Variants in SMOC1 observed in about 807,000 individuals in gnomAD.
SMOC1 encodes the protein SPARC-related modular calcium-binding protein 1.
A neutral mutation model predicts 56.3 loss-of-function variants in SMOC1; 22 were observed. The ratio of observed to expected loss-of-function variants is 0.39; its 90% CI spans 0.28 to 0.56. SMOC1 has a LOEUF of 0.56. Among genes scored for constraint, SMOC1 ranks in the 20% least tolerant of loss-of-function variants. The pLI is 0.61. For missense variants in SMOC1, 509 were observed against 565.4 expected, an observed-to-expected ratio of 0.90 and a Z score of 1.01; for synonymous variants, 193 against 215.0, an observed-to-expected ratio of 0.90 and a Z score of 0.89.
intron 7 of SMOC1, among the ~76,000 whole-genome samples, chr14:69,999,427 G>A (rs528008462): frequency 2.0e-5 from 3 of 152,310 alleles, no homozygotes; most frequent in East Asian, 1.9e-4. Flanking sequence ...AGCGGTAGCC[G>A]TCGTAAGCAA....
intron 1 of SMOC1, among the ~76,000 whole-genome samples, chr14:69,926,047 A>T (rs1594805747): frequency 2.0e-5 from 3 of 147,170 alleles, no homozygotes; most frequent in Admixed American, 6.8e-5. Flanking sequence ...ATCAGAAGCC[A>T]TTTTTTTTTT....
chr14:69,966,232 A>T (rs1883572637), intron 3 of SMOC1, among the ~76,000 whole-genome samples: 1 of 152,290 alleles, frequency 6.6e-6, no homozygotes, highest in South Asian at 2.1e-4. Context: ...AACAAGAGGT[A>T]TCATATTTGC....
In SMOC1 at chr14:70,008,839, G is replaced by A. The variant is rs575641447; in HGVS notation, c.665-1915G>A. ...ATGAAATACGAGGTAGGAAAATAAG[G>A]CTACCAAATTGGGGTTGGGGGAGCT... On this transcript the variant is annotated intron_variant, in intron 7 of 11. Coordinates refer to ENST00000361956, the MANE Select transcript of SMOC1 (RefSeq NM_001034852.3). Among the ~76,000 whole-genome samples, 3 of 152,306 alleles carry A rather than the reference G, an allele frequency of 2.0e-5. No homozygotes were observed. In the South Asian group the frequency reaches 6.2e-4, roughly 32 times the overall value.
chr14:69,980,004 T>G (rs1399166955), intron 5 of SMOC1, among the ~76,000 whole-genome samples: 1 of 152,200 alleles, frequency 6.6e-6, no homozygotes, highest in Non-Finnish European at 1.5e-5. Context: ...TTGCACCCTG[T>G]GGACAACAAT....
At chr14:69,883,365 A>G (rs1883699578) in intron 1 of SMOC1, among the ~76,000 whole-genome samples, 1 of 152,256 alleles carries the variant, frequency 6.6e-6, no homozygotes, top group South Asian at 2.1e-4. Flanking sequence ...GATTCCACAT[A>G]TGAGTGAGAT....
chr14:69,889,022 C>T (rs1265183623), intron 1 of SMOC1, among the ~76,000 whole-genome samples: 1 of 152,220 alleles, frequency 6.6e-6, no homozygotes, highest in Non-Finnish European at 1.5e-5. Flanking sequence ...TATAACTGCA[C>T]TGTCCAATAT....
intron 3 of SMOC1, among the ~76,000 whole-genome samples, chr14:69,961,348 A>T (rs1278501272): frequency 7.4e-6 from 1 of 135,340 alleles, no homozygotes; most frequent in Non-Finnish European, 1.6e-5. Flanking sequence ...TCATCAGCTG[A>T]TGGACATTTG....
intron 7 of SMOC1, among the ~76,000 whole-genome samples, chr14:70,010,087 G>C (rs1885282144): frequency 1.3e-5 from 2 of 152,216 alleles, no homozygotes; most frequent in Admixed American, 1.3e-4. Context: ...TGTTACTGAG[G>C]CTGCTGAGTG....
At chr14:69,997,807 A>G (rs74061017) in intron 7 of SMOC1, among the ~76,000 whole-genome samples, 2,242 of 152,152 alleles carry the variant, frequency 0.015, 53 homozygotes, top group African/African-American at 0.051. Flanking sequence ...AACACCTGAG[A>G]CAGTTTTTCA....
intron 10 of SMOC1, among the ~76,000 whole-genome samples, chr14:70,014,644 G>A (rs1276867915): frequency 6.6e-6 from 1 of 152,234 alleles, no homozygotes; most frequent in Non-Finnish European, 1.5e-5. Flanking sequence ...CATGAAGCCA[G>A]AAGGGGAAGC....
At chr14:69,991,074 G>A (rs1367646902) in intron 5 of SMOC1, among the ~76,000 whole-genome samples, 1 of 152,138 alleles carries the variant, frequency 6.6e-6, no homozygotes, top group Admixed American at 6.5e-5. Flanking sequence ...GCTCCAAATG[G>A]TAGAGGGTTG....
chr14:69,970,568 T>A (rs1453405123), intron 3 of SMOC1, among the ~76,000 whole-genome samples: 1 of 152,210 alleles, frequency 6.6e-6, no homozygotes, highest in Non-Finnish European at 1.5e-5. Context: ...CCAAGTGAGA[T>A]AATGCATAGA....
rs141645627 is a variant in SMOC1 at position 70,023,505 on chromosome 14, G to A, written c.1291+58G>A. 4,434 of 1,609,660 alleles carry A rather than the reference G, an allele frequency of 2.8e-3. 15 individuals are homozygous for A. Among genetic ancestry groups the A allele is most frequent in the Middle Eastern group, 7.8e-3 (46 of 5,892 alleles). ...AATACTTGCCCCCACCCAGGCATGG[G>A]ACCAAGGGCTCTCTGATAAATGAGA... is the stretch of plus-strand genomic sequence containing the variant. On this transcript the variant is annotated intron_variant, in intron 11 of 11. Coordinates refer to ENST00000361956, the MANE Select transcript of SMOC1 (RefSeq NM_001034852.3).
chr14:69,879,713 C>T lies in SMOC1; in HGVS notation c.35C>T (p.Pro12Leu), dbSNP rs749684169. 1 of 1,588,400 alleles carries T rather than the reference C, an allele frequency of 6.3e-7. No homozygotes were observed. Among genetic ancestry groups the T allele is most frequent in the East Asian group, 2.3e-5 (1 of 43,570 alleles). Residue 12 changes from proline (P) to leucine (L), a missense_variant, in exon 1 of 12, where the codon CCC becomes CTC. By Grantham distance (98) the Pro-to-Leu change is moderately conservative. Around this residue, in one of 3 missense-constraint regions of SMOC1, gnomAD observed 315 missense variants for 333.1 expected, o/e 0.95. Coordinates refer to ENST00000361956, the MANE Select transcript of SMOC1 (RefSeq NM_001034852.3). Reference protein sequence around the residue: ...LPARCARLLTPHLLLVLVQLS... With the variant: ...LPARCARLLTLHLLLVLVQLS... ...GCGCGCTGCGCCCGCCTGCTCACGCCCCACTTGCTGCTGGTGTTGGTGCAG... is the reference window on the plus strand; with the variant it reads ...GCGCGCTGCGCCCGCCTGCTCACGCTCCACTTGCTGCTGGTGTTGGTGCAG...
intron 1 of SMOC1, among the ~76,000 whole-genome samples, chr14:69,942,266 G>A (rs966861439): frequency 6.6e-6 from 1 of 151,972 alleles, no homozygotes; most frequent in African/African-American, 2.4e-5. Flanking sequence ...AATCCTCAAT[G>A]TACCTAGCAT....
intron 1 of SMOC1, among the ~76,000 whole-genome samples, chr14:69,909,348 G>C (rs7142807): frequency 0.032 from 4,812 of 152,290 alleles, 188 homozygotes; most frequent in African/African-American, 0.091. Flanking sequence ...CACTGTGTCT[G>C]ATAGCAGGAA....
At chr14:69,886,421 A>G (rs879131982) in intron 1 of SMOC1, among the ~76,000 whole-genome samples, 1 of 152,256 alleles carries the variant, frequency 6.6e-6, no homozygotes, top group African/African-American at 2.4e-5. Context: ...AGTGGACTGC[A>G]TAATGATGTC....
intron 10 of SMOC1, among the ~76,000 whole-genome samples, chr14:70,022,290 G>A (rs929741209): frequency 6.6e-6 from 1 of 152,244 alleles, no homozygotes; most frequent in Non-Finnish European, 1.5e-5. Flanking sequence ...TAACATAGAT[G>A]AGTAGGCCAT....
chr14:69,894,681 T>C (rs1346621387), intron 1 of SMOC1, among the ~76,000 whole-genome samples: 1 of 152,148 alleles, frequency 6.6e-6, no homozygotes, highest in African/African-American at 2.4e-5. Context: ...TGGACGTGGA[T>C]GGTCAGAGCC....
Sources: allele counts gnomAD v4.1 joint callset (sites outside exome capture counted in the v4.1 genomes callset), GRCh38; gene constraint gnomAD v4.1.1; regional missense constraint gnomAD v4.1.1; transcripts MANE v1.5; gene names NCBI Gene and HGNC (gene_info 2026-07-23, HGNC 2026-07-21).